CPNE4: variants seen among roughly 807,000 people sequenced by gnomAD.
CPNE4 encodes the protein copine 4, also known as copine-4.
Under a neutral mutation model 67.9 loss-of-function variants are expected in CPNE4, and 25 were observed. The ratio of observed to expected loss-of-function variants is 0.37; its 90% CI spans 0.27 to 0.51. The LOEUF (loss-of-function observed/expected upper bound fraction) is 0.51, where lower values mean the gene tolerates loss of function less well. Ranked by LOEUF, CPNE4 falls within the 20% of genes least tolerant of loss-of-function variation. The pLI, the probability that CPNE4 is intolerant of heterozygous loss-of-function variation, is 0.93. For missense variants in CPNE4, 464 were observed against 690.8 expected, an observed-to-expected ratio of 0.67 and a Z score of 3.68; for synonymous variants, 242 against 244.9, an observed-to-expected ratio of 0.99 and a Z score of 0.11.
chr3:131,908,010 T>C (rs780221479), intron 1 of CPNE4, among the ~76,000 whole-genome samples: 77 of 152,272 alleles, frequency 5.1e-4, no homozygotes, highest in Non-Finnish European at 8.8e-4. Context: ...TTGCCCATAT[T>C]ATGCAATTAT....
intron 12 of CPNE4, among the ~76,000 whole-genome samples, chr3:131,553,442 G>A (rs1346541333): frequency 6.6e-6 from 1 of 151,982 alleles, no homozygotes; most frequent in African/African-American, 2.4e-5. Context: ...GGCCTGCCTT[G>A]CTTGCCCAAG....
At chr3:131,792,674 T>TGTATATATATAC (rs2083781836) in intron 2 of CPNE4, among the ~76,000 whole-genome samples, 2 of 76,708 alleles carry the variant, frequency 2.6e-5, no homozygotes, top group Non-Finnish European at 5.1e-5. Context: ...TATATATACA[T>TGTATATATATAC]ATATACACAC....
rs67791015 is a variant in CPNE4 at position 131,743,962 on chromosome 3, C to CAAAAAA, written c.181-20343_181-20338dup. ...TGGGCGACAGAGCGAGACTCCGTCT[C>CAAAAAA]AAAAAAAAAAAAAAAAAAAAAACAA... On this transcript the variant is annotated intron_variant, in intron 2 of 15. Coordinates refer to ENST00000429747, the MANE Select transcript of CPNE4 (RefSeq NM_130808.3). Among the ~76,000 whole-genome samples the CAAAAAA allele has an allele frequency of 2.3e-3, 134 of 59,056 alleles. 9 individuals carry two copies. The highest frequency in any genetic ancestry group is 4.5e-3 in the African/African-American group (61 of 13,544). The allele number at this position is 59,056 out of a possible 152,430, so 38.7% of individuals were successfully genotyped here.
At chr3:131,688,562 C>A (rs1415267784) in intron 5 of CPNE4, among the ~76,000 whole-genome samples, 1 of 152,178 alleles carries the variant, frequency 6.6e-6, no homozygotes, top group African/African-American at 2.4e-5. Context: ...TGCCCTTGGG[C>A]TCCTCCTGTA....
chr3:131,729,483 T>C (rs548642405), intron 2 of CPNE4, among the ~76,000 whole-genome samples: 1 of 152,344 alleles, frequency 6.6e-6, no homozygotes, highest in South Asian at 2.1e-4. Context: ...TTTCAGCTGC[T>C]TGTGACTGCT....
At chr3:131,656,051 TTC>T (rs1266796150) in intron 7 of CPNE4, among the ~76,000 whole-genome samples, 14 of 134,044 alleles carry the variant, frequency 1.0e-4, no homozygotes, top group African/African-American at 4.4e-4. Context: ...ACAATACTGT[TTC>T]TTTTTTTTTT....
intron 2 of CPNE4, among the ~76,000 whole-genome samples, chr3:131,769,106 T>C (rs570094995): frequency 8.7e-4 from 133 of 152,292 alleles, no homozygotes; most frequent in African/African-American, 3.1e-3. Flanking sequence ...CATGCAGTTT[T>C]CCCTTGCTTA....
chr3:131,567,016 G>A (rs1159432731), intron 10 of CPNE4, among the ~76,000 whole-genome samples: 3 of 151,846 alleles, frequency 2.0e-5, no homozygotes, highest in African/African-American at 7.3e-5. Flanking sequence ...TATTCATGAT[G>A]CCTTCCATCA....
chr3:131,915,832 C>G (rs537158843), intron 1 of CPNE4, among the ~76,000 whole-genome samples: 12 of 152,260 alleles, frequency 7.9e-5, no homozygotes, highest in Admixed American at 5.2e-4. Context: ...CTTAGGAATT[C>G]TGGCCTTACA....
rs567406477 is a variant in CPNE4, at chr3:131,739,959, T to C, written c.181-16334A>G. Among the ~76,000 whole-genome samples the C allele has an allele frequency of 2.0e-5, 3 of 152,376 alleles. No homozygotes were observed. The South Asian group carries it at 6.2e-4, about 32-fold the overall frequency. ...TACCATATATGAATGTCAAAGCGAC[T>C]TGCCCTAATTCTTTTTCAAGAATAG... On this transcript the variant is annotated intron_variant, in intron 2 of 15. Transcript: ENST00000429747.
At chr3:131,865,330 T>C (rs1020460255) in intron 2 of CPNE4, among the ~76,000 whole-genome samples, 2 of 152,194 alleles carry the variant, frequency 1.3e-5, no homozygotes, top group African/African-American at 4.8e-5. Context: ...TGAATCCATC[T>C]GGTCCTAGAA....
intron 6 of CPNE4, among the ~76,000 whole-genome samples, chr3:131,674,260 T>C (rs1442759145): frequency 6.6e-6 from 1 of 152,090 alleles, no homozygotes; most frequent in Non-Finnish European, 1.5e-5. Context: ...ATCAGGGATA[T>C]TGGCCTGTAG....
At chr3:131,670,209 T>C (rs2080373459) in intron 6 of CPNE4, among the ~76,000 whole-genome samples, 1 of 152,152 alleles carries the variant, frequency 6.6e-6, no homozygotes, top group Non-Finnish European at 1.5e-5. Flanking sequence ...ACTCTGCTGC[T>C]AAATAATTGG....
chr3:131,875,300 A>T (rs959489698), intron 2 of CPNE4, among the ~76,000 whole-genome samples: 1 of 152,188 alleles, frequency 6.6e-6, no homozygotes, highest in Non-Finnish European at 1.5e-5. Context: ...TAGAAATTCC[A>T]TTTGACCCAG....
chr3:131,656,934 C>T (rs2079986566), intron 7 of CPNE4, among the ~76,000 whole-genome samples: 1 of 152,136 alleles, frequency 6.6e-6, no homozygotes, highest in Non-Finnish European at 1.5e-5. Flanking sequence ...ATATCAGGAT[C>T]TTCTAGAAAT....
intron 14 of CPNE4, 79 bp downstream of exon 14, chr3:131,549,868 G>T: frequency 1.3e-6 from 2 of 1,497,928 alleles, no homozygotes; most frequent in Non-Finnish European, 1.8e-6. Flanking sequence ...TTTATTGTTA[G>T]AGTGAGATGG....
chr3:131,713,441 G>T (rs11716512), intron 3 of CPNE4, among the ~76,000 whole-genome samples: 2 of 152,082 alleles, frequency 1.3e-5, no homozygotes, highest in Non-Finnish European at 2.9e-5. Flanking sequence ...GTAGTGGAAG[G>T]GGGAGAGAGT....
At chr3:131,985,436 A>G (rs527434820) in intron 1 of CPNE4, among the ~76,000 whole-genome samples, 4 of 152,268 alleles carry the variant, frequency 2.6e-5, no homozygotes, top group Non-Finnish European at 5.9e-5. Flanking sequence ...TTTCTGTTTT[A>G]TGTTAATTAA....
At chr3:131,642,183 G>A (rs932826712) in intron 7 of CPNE4, among the ~76,000 whole-genome samples, 1 of 151,376 alleles carries the variant, frequency 6.6e-6, no homozygotes, top group Non-Finnish European at 1.5e-5. Context: ...AATTTAAAAA[G>A]ACTAAATAGT....
Sources: gnomAD v4.1 joint callset for allele counts (sites outside exome capture counted in the v4.1 genomes callset) on GRCh38, gnomAD v4.1.1 for gene constraint, MANE v1.5 for transcripts, NCBI Gene and HGNC (gene_info 2026-07-23, HGNC 2026-07-21) for gene names.